RFX4: variants seen among roughly 807,000 people sequenced by gnomAD.
RFX4 encodes the protein regulatory factor X4.
RFX4 carries 10 observed loss-of-function variants against 95.0 expected under a neutral mutation model. The ratio of observed to expected loss-of-function variants is 0.11; its 90% CI spans 0.06 to 0.18. RFX4 has a LOEUF of 0.18. RFX4 is among the 10% of genes least tolerant of loss of function. The probability of loss-of-function intolerance (pLI) is 1.00; values close to 1 mark genes in which losing one functional copy is unlikely to be tolerated. For synonymous variants in RFX4, 321 were observed against 340.7 expected (o/e 0.94, Z 0.64); for missense variants, 640 against 922.0 (o/e 0.69, Z 3.96).
At chr12:106,603,442 T>A (rs1161129412) in intron 1 of RFX4, among the ~76,000 whole-genome samples, 1 of 152,224 alleles carries the variant, frequency 6.6e-6, no homozygotes, top group African/African-American at 2.4e-5. Flanking sequence ...GATCTTCCTC[T>A]AAGGTATGTG....
chr12:106,689,279 C>A lies in RFX4; in HGVS notation c.592-8C>A, dbSNP rs748480518. 1.9e-6 allele frequency: 3 copies of A among 1,608,240 alleles called. No individual in the cohort carries two copies. The highest frequency in any genetic ancestry group is 2.7e-5 in the African/African-American group (2 of 74,824). ...TCTTTGTTGTTGATCCTCTACACACCCCCACAGGTTTCTACCTTTATTATG... is the reference window on the plus strand; with the variant it reads ...TCTTTGTTGTTGATCCTCTACACACACCCACAGGTTTCTACCTTTATTATG... On this transcript the variant is annotated splice_polypyrimidine_tract_variant and splice_region_variant and intron_variant, in intron 6 of 17. Transcript: ENST00000392842.
intron 9 of RFX4, among the ~76,000 whole-genome samples, chr12:106,710,259 CCT>C (rs1253283559): frequency 1.3e-5 from 2 of 152,086 alleles, no homozygotes; most frequent in African/African-American, 4.8e-5. Flanking sequence ...ATCAAATTAC[CCT>C]CTCTCCACAG....
intron 2 of RFX4, among the ~76,000 whole-genome samples, chr12:106,634,387 G>T (rs2040472274): frequency 6.6e-6 from 1 of 152,072 alleles, no homozygotes; most frequent in Non-Finnish European, 1.5e-5. Flanking sequence ...AAGCCTCCTG[G>T]CCGGCCAGGC....
At chr12:106,648,728 C>T (rs1035239013) in intron 3 of RFX4, among the ~76,000 whole-genome samples, 1 of 150,636 alleles carries the variant, frequency 6.6e-6, no homozygotes, top group Non-Finnish European at 1.5e-5. Flanking sequence ...CGCAGAGCGA[C>T]CTTTCCTAAG....
At chr12:106,678,268 C>T (rs2041436382) in intron 4 of RFX4, among the ~76,000 whole-genome samples, 2 of 152,158 alleles carry the variant, frequency 1.3e-5, no homozygotes, top group Non-Finnish European at 1.5e-5. Context: ...GGTACCTTCA[C>T]CTAGGGCCAG....
In RFX4 at chr12:106,583,162, T is replaced by C; in HGVS notation, c.-159T>C. 1 of 570,188 alleles carries C rather than the reference T, an allele frequency of 1.8e-6. No individual in the cohort carries two copies. Among genetic ancestry groups the C allele is most frequent in the Non-Finnish European group, 2.9e-6 (1 of 347,514 alleles). The allele number at this position is 570,188 out of a possible 1,614,324, so 35.3% of individuals were successfully genotyped here. On this transcript the variant is annotated 5_prime_UTR_variant, in exon 1 of 18. Transcript: ENST00000392842. ...TTTCTTTCCTCTTCTTTTTCTTTTC[T>C]TTTCCTTTCCTCCTTTATCCTTGTG... is the stretch of plus-strand genomic sequence containing the variant.
intron 4 of RFX4, among the ~76,000 whole-genome samples, chr12:106,674,397 C>A (rs902269720): frequency 2.0e-5 from 3 of 148,460 alleles, no homozygotes; most frequent in African/African-American, 7.5e-5. Context: ...GCGGTGTGAT[C>A]TCGGCTCACT....
chr12:106,684,654 T>A, intron 5 of RFX4: 1 of 1,430,288 alleles, frequency 7.0e-7, no homozygotes, highest in Non-Finnish European at 9.2e-7. Flanking sequence ...ATAACTGTCA[T>A]CCCACCTGAA....
chr12:106,597,445 T>A (rs145610193), intron 1 of RFX4, among the ~76,000 whole-genome samples: 28 of 152,346 alleles, frequency 1.8e-4, no homozygotes, highest in African/African-American at 6.7e-4. Context: ...TAAGGTGGGA[T>A]GCCTTAGAGG....
chr12:106,703,261 C>T (rs903710210), intron 8 of RFX4, among the ~76,000 whole-genome samples: 1 of 152,150 alleles, frequency 6.6e-6, no homozygotes, highest in African/African-American at 2.4e-5. Context: ...GATTATCTGG[C>T]TTTTTCTTGT....
At chr12:106,705,594 G>A (rs2042069051) in intron 8 of RFX4, among the ~76,000 whole-genome samples, 1 of 152,200 alleles carries the variant, frequency 6.6e-6, no homozygotes, top group African/African-American at 2.4e-5. Context: ...GCTGCTATCT[G>A]GGGCAAGAGC....
At chr12:106,691,451 T>C (rs985502344) in intron 7 of RFX4, among the ~76,000 whole-genome samples, 6 of 152,218 alleles carry the variant, frequency 3.9e-5, no homozygotes, top group East Asian at 1.9e-4. Flanking sequence ...GCTTTTAAGA[T>C]AGCTAATTCT....
intron 2 of RFX4, among the ~76,000 whole-genome samples, chr12:106,624,825 G>T (rs2040258759): frequency 6.6e-6 from 1 of 152,082 alleles, no homozygotes; most frequent in Non-Finnish European, 1.5e-5. Context: ...ATAAAACTGG[G>T]GTTTGATTAG....
chr12:106,729,972 CAAATGGCATTGA>C (rs2042580590), intron 13 of RFX4, among the ~76,000 whole-genome samples: 1 of 152,108 alleles, frequency 6.6e-6, no homozygotes, highest in Non-Finnish European at 1.5e-5. Flanking sequence ...TGCTGAATAC[CAAATGGCATTGA>C]AAAACAGACA....
Position 106,643,722 on chromosome 12 carries a change from T to TA in RFX4, c.191+4339dup, listed in dbSNP as rs138826160. On this transcript the variant is annotated intron_variant, in intron 3 of 17. Transcript: ENST00000392842. ...TAATTTTCTTCTTCTTTTGCTAGCT[T>TA]AAAAAAAAACCCAGGATATAAGTAA... is the stretch of plus-strand genomic sequence containing the variant. 5.5e-4 allele frequency among the ~76,000 whole-genome samples: 83 copies of TA among 151,370 alleles called. 3 individuals carry two copies. The East Asian group carries it at 0.011, about 20-fold the overall frequency.
At chr12:106,669,511 T>C (rs55756953) in intron 4 of RFX4, among the ~76,000 whole-genome samples, 6 of 152,214 alleles carry the variant, frequency 3.9e-5, no homozygotes, top group Non-Finnish European at 5.9e-5. Context: ...CAGCTGCACT[T>C]ACCTGCATTG....
At chr12:106,715,293 A>C in intron 10 of RFX4, 107 bp from the exon 11 acceptor site, 11 of 1,235,656 alleles carry the variant, frequency 8.9e-6, no homozygotes, top group Non-Finnish European at 1.2e-5. Flanking sequence ...ATTTCAGGGT[A>C]GTTTGCAAAA....
At chr12:106,622,498 C>A (rs1163552969) in intron 2 of RFX4, among the ~76,000 whole-genome samples, 2 of 152,162 alleles carry the variant, frequency 1.3e-5, no homozygotes, top group East Asian at 3.9e-4. Context: ...GATCTCATTT[C>A]TTTCTCACAA....
chr12:106,734,219 A>C (rs1260954350), intron 15 of RFX4, among the ~76,000 whole-genome samples: 1 of 152,050 alleles, frequency 6.6e-6, no homozygotes, highest in Non-Finnish European at 1.5e-5. Context: ...TCAGTATAGG[A>C]TGATGAAAAA....
Sources: allele counts gnomAD v4.1 joint callset (sites outside exome capture counted in the v4.1 genomes callset), GRCh38; gene constraint gnomAD v4.1.1; transcripts MANE v1.5; gene names NCBI Gene and HGNC (gene_info 2026-07-23, HGNC 2026-07-21).